The following LSS variants were observed in gnomAD, a reference collection of about 807,000 sequenced individuals.
The protein encoded by LSS is lanosterol synthase, also known as 2,3-epoxysqualene-lanosterol cyclase.
In LSS, 90 loss-of-function variants were observed where a neutral mutation model predicts 110.3. The ratio of observed to expected loss-of-function variants is 0.82; its 90% CI spans 0.69 to 0.97. LSS has a LOEUF of 0.97. Among genes scored for constraint, LSS ranks in the 50% least tolerant of loss-of-function variants. LSS has a pLI of 0.00. For synonymous variants in LSS, 433 were observed against 400.0 expected, an observed-to-expected ratio of 1.08 and a Z score of -0.98; for missense variants, 927 against 990.0, an observed-to-expected ratio of 0.94 and a Z score of 0.85.
chr21:46,214,013 T>C (rs1041234747), intron 9 of LSS, among the ~76,000 whole-genome samples, 178 bp from the exon 10 acceptor site: 3 of 152,220 alleles, frequency 2.0e-5, no homozygotes, highest in African/African-American at 7.2e-5. Flanking sequence ...GGGCAACAAC[T>C]GTGTCCCCAG....
chr21:46,213,151 T>A, intron 10 of LSS, 99 bp from the exon 11 acceptor site: 1 of 1,190,104 alleles, frequency 8.4e-7, no homozygotes, highest in Non-Finnish European at 1.2e-6. Flanking sequence ...AGAGGCCGTC[T>A]GTCCCCTCCC....
intron 4 of LSS, chr21:46,222,206 C>T (rs1457659859): frequency 5.2e-6 from 3 of 574,554 alleles, no homozygotes; most frequent in Non-Finnish European, 9.3e-6. Context: ...GCCTGCTCTA[C>T]ACCTTCCCAC....
chr21:46,222,980 G>A (rs568880039), intron 3 of LSS, among the ~76,000 whole-genome samples: 3 of 152,312 alleles, frequency 2.0e-5, no homozygotes, highest in South Asian at 2.1e-4. Context: ...ACTCAGCCAC[G>A]CCTGGCTCCC....
At chr21:46,201,820 C>T (rs1396510289) in intron 17 of LSS, among the ~76,000 whole-genome samples, 23 of 142,898 alleles carry the variant, frequency 1.6e-4, no homozygotes, top group East Asian at 2.1e-4. Context: ...TTTTTTGAGA[C>T]GGTGTCTTGC....
chr21:46,199,331 A>G (rs1463985655), intron 17 of LSS, among the ~76,000 whole-genome samples: 1 of 152,178 alleles, frequency 6.6e-6, no homozygotes, highest in Admixed American at 6.5e-5. Flanking sequence ...ACCACTACAC[A>G]CCTCTTAGAA....
rs2080357400 is a variant in LSS at position 46,227,539 on chromosome 21, A to G, written c.319+13T>C. ...GGTGGCCATACCATCAGGCTGGGGC[A>G]GCATACTCCTACCTGGCAGGAGGAA... On this transcript the variant is annotated intron_variant, in intron 3 of 21. Coordinates refer to ENST00000397728, the MANE Select transcript of LSS (RefSeq NM_002340.6). 3 of 1,613,864 alleles carry G rather than the reference A, an allele frequency of 1.9e-6. No homozygotes were observed. The highest frequency in any genetic ancestry group is 4.5e-5 in the East Asian group (2 of 44,886).
Position 46,189,604 on chromosome 21 carries a change from A to G in LSS, c.*1500T>C. 2.2e-6 allele frequency: 1 copy of G among 453,094 alleles called. No homozygotes were observed. Among genetic ancestry groups the G allele is most frequent in the South Asian group, 1.6e-5 (1 of 64,268 alleles). The allele number at this position is 453,094 out of a possible 1,614,324, so 28.1% of individuals were successfully genotyped here. A position where few individuals can be genotyped will look rare whatever the true frequency, so the allele number is the denominator to read the frequency against. ...GGGTGAGAGCCCTGGACTGCACACCAAGGCAGAGGGGTGCCCCTGAAGGAC... is the reference window on the plus strand; with the variant it reads ...GGGTGAGAGCCCTGGACTGCACACCGAGGCAGAGGGGTGCCCCTGAAGGAC... On this transcript the variant is annotated 3_prime_UTR_variant, in exon 22 of 22. Coordinates refer to ENST00000397728, the MANE Select transcript of LSS (RefSeq NM_002340.6).
intron 3 of LSS, among the ~76,000 whole-genome samples, chr21:46,225,694 T>C (rs1322148399): frequency 6.6e-6 from 1 of 152,158 alleles, no homozygotes; most frequent in Non-Finnish European, 1.5e-5. Flanking sequence ...GCAGAAATAA[T>C]GGCATAAGCT....
chr21:46,210,970 C>G (rs989559594), intron 11 of LSS, among the ~76,000 whole-genome samples: 15 of 152,200 alleles, frequency 9.9e-5, no homozygotes. Flanking sequence ...GGAGCCCTCC[C>G]TTTCTTCATG....
chr21:46,222,149 C>G, intron 4 of LSS, 174 bp from the exon 5 acceptor site: 1 of 649,686 alleles, frequency 1.5e-6, no homozygotes, highest in Non-Finnish European at 2.6e-6. Context: ...CGAATTCATG[C>G]ACCTCCCATG....
intron 3 of LSS, chr21:46,224,731 A>T (rs1021710453): frequency 1.3e-5 from 2 of 152,224 alleles, no homozygotes; most frequent in African/African-American, 4.8e-5. Context: ...GTGCTGCCCA[A>T]TGCCGCACAG....
At chr21:46,217,063 A>G (rs1335193927) in intron 6 of LSS, among the ~76,000 whole-genome samples, 4 of 152,104 alleles carry the variant, frequency 2.6e-5, no homozygotes, top group Non-Finnish European at 4.4e-5. Context: ...CCTGACCAAC[A>G]TGGCGAAACC....
Position 46,228,478 on chromosome 21 carries a change from G to T in LSS, c.136C>A (p.Arg46Ser). 1 of 1,603,458 alleles carries T rather than the reference G, an allele frequency of 6.2e-7. No individual in the cohort carries two copies. Among genetic ancestry groups the T allele is most frequent in the Non-Finnish European group, 8.5e-7 (1 of 1,179,586 alleles). Residue 46 changes from arginine (R) to serine (S), a missense_variant, in exon 2 of 22, where the codon CGC becomes AGC. Transcript: ENST00000397728. ...WTYLQDERAG[R>S]EQTGLEAYAL... ...TAGGCTTCCAGGCCGGTCTGCTCGC[G>T]GCCGGCGCGCTCGTCCTGCAGGTAG...
At chr21:46,227,729 C>T (rs1044832859) in intron 2 of LSS, 39 bp from the exon 3 acceptor site, 4 of 1,608,280 alleles carry the variant, frequency 2.5e-6, no homozygotes, top group Non-Finnish European at 2.5e-6. Context: ...AGATAGCTGA[C>T]GGGACTGTTG....
rs896241509 is a variant in LSS at position 46,207,314 on chromosome 21, C to T, written c.1467+114G>A. On this transcript the variant is annotated intron_variant, in intron 15 of 21. Coordinates refer to ENST00000397728, the MANE Select transcript of LSS (RefSeq NM_002340.6). Reference sequence around the variant, plus strand: ...TATAGACACCATCCAAGGACAAGCTCCTACGGCCTGGCCGGACTGTGTGCT... The same window carrying T: ...TATAGACACCATCCAAGGACAAGCTTCTACGGCCTGGCCGGACTGTGTGCT... 8 of 1,323,796 alleles carry T rather than the reference C, an allele frequency of 6.0e-6. No homozygotes were observed. The African/African-American group carries it at 1.2e-4, about 19-fold the overall frequency. The allele number at this position is 1,323,796 out of a possible 1,614,324, so 82.0% of individuals were successfully genotyped here. A position where few individuals can be genotyped will look rare whatever the true frequency, so the allele number is the denominator to read the frequency against.
chr21:46,212,339 G>A (rs1601434606), intron 11 of LSS, among the ~76,000 whole-genome samples: 1 of 152,204 alleles, frequency 6.6e-6, no homozygotes, highest in East Asian at 1.9e-4. Context: ...ACTGAATCAG[G>A]TGGGGGACAG....
At chr21:46,192,943 A>T (rs1265449888) in intron 20 of LSS, 1 of 373,734 alleles carries the variant, frequency 2.7e-6, no homozygotes, top group East Asian at 8.1e-5. Flanking sequence ...CCATGTACGT[A>T]TGTCTGTGTA....
chr21:46,210,844 G>A, intron 11 of LSS, 100 bp from the exon 12 acceptor site: 2 of 1,128,810 alleles, frequency 1.8e-6, no homozygotes, highest in Non-Finnish European at 1.3e-6. Flanking sequence ...AGGTGTGGGG[G>A]CTCCCACCCA....
chr21:46,196,758 G>A (rs750024516), intron 17 of LSS, among the ~76,000 whole-genome samples: 25 of 152,266 alleles, frequency 1.6e-4, no homozygotes, highest in Non-Finnish European at 3.4e-4. Flanking sequence ...TCTTTAACCA[G>A]CAGATCACGG....
Sources: allele counts gnomAD v4.1 joint callset (sites outside exome capture counted in the v4.1 genomes callset), GRCh38; gene constraint gnomAD v4.1.1; transcripts MANE v1.5; gene names NCBI Gene and HGNC (gene_info 2026-07-23, HGNC 2026-07-21).